Variants in JADE3 observed in about 807,000 individuals in gnomAD.
The protein encoded by JADE3 is jade family PHD finger 3.
In JADE3, 2 loss-of-function variants were observed where a neutral mutation model predicts 50.1. The ratio of observed to expected loss-of-function variants is 0.04; its 90% confidence interval spans 0.02 to 0.13. JADE3 has a LOEUF of 0.13. JADE3 is among the 10% of genes least tolerant of loss of function. The pLI, the probability that JADE3 is intolerant of heterozygous loss-of-function variation, is 1.00. For synonymous variants in JADE3, 218 were observed against 232.9 expected (o/e 0.94, Z 0.58); for missense variants, 475 against 634.4 (o/e 0.75, Z 2.70).
At chrX:47,051,824 A>G (rs1275328912) in intron 8 of JADE3, among the ~76,000 whole-genome samples, 1 of 106,990 alleles carries the variant, frequency 9.3e-6, no homozygotes, top group Non-Finnish European at 1.9e-5. Context: ...GGCCTGGCAC[A>G]GTGGCTTATG....
intron 1 of JADE3, among the ~76,000 whole-genome samples, chrX:46,972,201 T>G (rs1927512728): frequency 9.0e-6 from 1 of 111,422 alleles, no homozygotes; most frequent in Admixed American, 9.6e-5. Flanking sequence ...TAATAAAGTT[T>G]TTTTTTCTTT....
intron 5 of JADE3, among the ~76,000 whole-genome samples, chrX:47,027,633 C>T (rs1461650767): frequency 8.9e-6 from 1 of 111,937 alleles, no homozygotes; most frequent in African/African-American, 3.2e-5. Context: ...GACAAGAAAT[C>T]GAAAGGGTCA....
intron 5 of JADE3, among the ~76,000 whole-genome samples, chrX:47,025,236 T>G (rs1345967951): frequency 8.9e-6 from 1 of 112,033 alleles, no homozygotes; most frequent in Non-Finnish European, 1.9e-5. Flanking sequence ...CCATAGCTGA[T>G]TGGACTTCTG....
At chrX:47,057,046 G>A (rs1294577350) in intron 10 of JADE3, among the ~76,000 whole-genome samples, 28 of 112,005 alleles carry the variant, frequency 2.5e-4, no homozygotes, top group African/African-American at 8.4e-4. Flanking sequence ...GAGGCAGCAA[G>A]ACTGCTCAGC....
chrX:47,038,958 G>T lies in JADE3; in HGVS notation c.865G>T (p.Ala289Ser), dbSNP rs782803661. 1 of 1,174,379 alleles carries T rather than the reference G, an allele frequency of 8.5e-7. No individual in the cohort carries two copies. Among genetic ancestry groups the T allele is most frequent in the South Asian group, 1.8e-5 (1 of 55,491 alleles). Residue 289 changes from alanine to serine, a missense_variant, in exon 8 of 11, where the codon GCT (alanine) becomes TCT (serine). By Grantham distance (99) the Ala-to-Ser change is moderately conservative. Coordinates refer to ENST00000614628, the MANE Select transcript of JADE3 (RefSeq NM_014735.5). ...CALWIPEVSI[A>S]CPERMEPITK... The stretch of plus-strand genomic sequence containing the variant: ...GGTATTTTATTTGTAGGTCAGCATT[G>T]CTTGTCCTGAGAGGATGGAACCGAT...
At chrX:47,011,258 T>C (rs1319008886) in intron 4 of JADE3, among the ~76,000 whole-genome samples, 1 of 112,276 alleles carries the variant, frequency 8.9e-6, no homozygotes, top group Non-Finnish European at 1.9e-5. Context: ...GCATTTTGAG[T>C]CTGACTTTTT....
intron 10 of JADE3, among the ~76,000 whole-genome samples, chrX:47,056,573 A>G (rs1929636133): frequency 8.9e-6 from 1 of 112,367 alleles, no homozygotes; most frequent in South Asian, 3.7e-4. Context: ...CATCTTAACA[A>G]TAGTCTATTA....
In JADE3 at chrX:47,059,776, A is replaced by G. The variant is rs1375088568; in HGVS notation, c.*699A>G. 1 of 112,249 alleles carries G rather than the reference A, an allele frequency of 8.9e-6. No individual in the cohort carries two copies. Among genetic ancestry groups the G allele is most frequent in the African/African-American group, 3.2e-5 (1 of 30,820 alleles). The allele number at this position is 112,249 out of a possible 1,213,427, so 9.3% of individuals were successfully genotyped here. A position where few individuals can be genotyped will look rare whatever the true frequency, so the allele number is the denominator to read the frequency against. On this transcript the variant is annotated 3_prime_UTR_variant, in exon 11 of 11. Transcript: ENST00000614628. ...TGTGGATAGTGTTTACAAAAGTACA[A>G]AAGTACTACTTCCAAGGAAAATGCT...
intron 8 of JADE3, among the ~76,000 whole-genome samples, chrX:47,050,573 T>A (rs1177509654): frequency 2.7e-5 from 3 of 112,275 alleles, no homozygotes; most frequent in African/African-American, 6.5e-5. Flanking sequence ...AATTACCTTT[T>A]TTTGAAAAGA....
intron 3 of JADE3, among the ~76,000 whole-genome samples, chrX:46,993,371 G>A (rs1224285498): frequency 8.9e-6 from 1 of 112,038 alleles, no homozygotes; most frequent in African/African-American, 3.2e-5. Flanking sequence ...CTGACCTACA[G>A]CAGATAAAAA....
intron 1 of JADE3, among the ~76,000 whole-genome samples, chrX:46,925,822 TAAAAA>T (rs35435904): frequency 3.8e-5 from 3 of 79,578 alleles, no homozygotes; most frequent in Non-Finnish European, 2.4e-5. Context: ...AGACTCCGTC[TAAAAA>T]AAAAAAAAAA....
intron 1 of JADE3, among the ~76,000 whole-genome samples, chrX:46,926,507 A>G (rs904730535): frequency 8.9e-6 from 1 of 111,964 alleles, no homozygotes; most frequent in African/African-American, 3.2e-5. Context: ...TGGCCTCCCA[A>G]AGTGCTGGGA....
chrX:47,020,608 A>C (rs1430703884), intron 4 of JADE3, among the ~76,000 whole-genome samples: 1 of 112,009 alleles, frequency 8.9e-6, no homozygotes, highest in Non-Finnish European at 1.9e-5. Flanking sequence ...TTACTGTTTT[A>C]GTATATAATT....
chrX:46,983,046 C>T (rs1451687025), intron 1 of JADE3, among the ~76,000 whole-genome samples: 1 of 111,388 alleles, frequency 9.0e-6, no homozygotes, highest in Non-Finnish European at 1.9e-5. Flanking sequence ...CAAACTGATC[C>T]AATCAAATTA....
At position 47,007,097 on chromosome X, in the gene JADE3, C is replaced by T. The variant is rs909415728; in HGVS notation, c.284+8820C>T. ...GGGATTATGGGTGTGAGCCACTGCG[C>T]GTGGCCAGTTTCTAGTTTTGATTCC... On this transcript the variant is annotated intron_variant, in intron 4 of 10. Coordinates refer to ENST00000614628, the MANE Select transcript of JADE3 (RefSeq NM_014735.5). 1.2e-4 allele frequency among the ~76,000 whole-genome samples: 13 copies of T among 111,044 alleles called. No homozygotes were observed. In the East Asian group the frequency reaches 1.4e-3, roughly 12 times the overall value.
intron 7 of JADE3, among the ~76,000 whole-genome samples, chrX:47,037,456 G>T (rs2146982077): frequency 9.0e-6 from 1 of 111,623 alleles, no homozygotes; most frequent in East Asian, 2.8e-4. Flanking sequence ...GTTACTTTCA[G>T]TAGCTTTCTT....
chrX:47,046,133 A>T (rs1556370614), intron 8 of JADE3, among the ~76,000 whole-genome samples: 2 of 110,940 alleles, frequency 1.8e-5, no homozygotes. Flanking sequence ...CTTTAGCCCA[A>T]CTCACTGAGA....
At chrX:46,955,433 C>G (rs782641327) in intron 1 of JADE3, among the ~76,000 whole-genome samples, 3 of 111,468 alleles carry the variant, frequency 2.7e-5, no homozygotes, top group South Asian at 3.8e-4. Flanking sequence ...TAAGGTTGAT[C>G]GGGGTGTGAG....
At chrX:47,032,470 G>A (rs1385906603) in intron 6 of JADE3, among the ~76,000 whole-genome samples, 1 of 110,730 alleles carries the variant, frequency 9.0e-6, no homozygotes, top group Non-Finnish European at 1.9e-5. Flanking sequence ...ACTGTACAAT[G>A]GTATGAATTC....
Sources: gnomAD v4.1 joint callset for allele counts (sites outside exome capture counted in the v4.1 genomes callset) on GRCh38, gnomAD v4.1.1 for gene constraint, MANE v1.5 for transcripts, NCBI Gene and HGNC (gene_info 2026-07-23, HGNC 2026-07-21) for gene names.